MBTD1: variants seen among roughly 807,000 people sequenced by gnomAD.
The protein encoded by MBTD1 is mbt domain containing 1.
A neutral mutation model predicts 87.8 loss-of-function variants in MBTD1; 24 were observed. The ratio of observed to expected loss-of-function variants is 0.27; its 90% CI spans 0.20 to 0.38. The LOEUF is 0.38. Among genes scored for constraint, MBTD1 ranks in the 10% least tolerant of loss-of-function variants. The pLI is 1.00. For synonymous variants in MBTD1, 237 were observed against 248.6 expected, an observed-to-expected ratio of 0.95 and a Z score of 0.44; for missense variants, 436 against 760.2, an observed-to-expected ratio of 0.57 and a Z score of 5.02.
rs1334745989 is a variant in MBTD1 at position 51,179,498 on chromosome 17, A to ATTTTTATATATT, written c.*1077_*1078insAATATATAAAAA. 1 of 58,436 alleles carries ATTTTTATATATT rather than the reference A, an allele frequency of 1.7e-5. No individual in the cohort carries two copies. The highest frequency in any genetic ancestry group is 4.0e-5 in the Non-Finnish European group (1 of 25,308). The allele number at this position is 58,436 out of a possible 1,614,324, so 3.6% of individuals were successfully genotyped here. ...TAAAGACAATTTTATATATATATAT[A>ATTTTTATATATT]TATATATATATATATATATATATAT... is the stretch of plus-strand genomic sequence containing the variant. On this transcript the variant is annotated 3_prime_UTR_variant, in exon 17 of 17. Coordinates refer to ENST00000586178, the MANE Select transcript of MBTD1 (RefSeq NM_017643.3).
At chr17:51,259,035 T>C in intron 2 of MBTD1, 108 bp downstream of exon 2, 2 of 396,954 alleles carry the variant, frequency 5.0e-6, no homozygotes, top group Middle Eastern at 1.3e-3. Flanking sequence ...CTGAAGGGTC[T>C]AATAAGGGTA....
intron 10 of MBTD1, 117 bp downstream of exon 10, chr17:51,202,584 A>C: frequency 1.3e-6 from 1 of 759,714 alleles, no homozygotes; most frequent in Non-Finnish European, 2.2e-6. Flanking sequence ...TAGAAGAAGC[A>C]GCCCAAACAA....
chr17:51,250,431 C>T (rs572297138), intron 2 of MBTD1: 32 of 152,260 alleles, frequency 2.1e-4, no homozygotes, highest in African/African-American at 6.7e-4. Flanking sequence ...GAGGGGTAAA[C>T]GAGTACAGTA....
intron 10 of MBTD1, among the ~76,000 whole-genome samples, 183 bp from the exon 11 acceptor site, chr17:51,202,260 T>C (rs1348762725): frequency 6.6e-6 from 1 of 152,236 alleles, no homozygotes; most frequent in Non-Finnish European, 1.5e-5. Context: ...CATGTGCATA[T>C]ATGCTTTTAA....
At chr17:51,253,545 T>C (rs2054917145) in intron 2 of MBTD1, among the ~76,000 whole-genome samples, 1 of 152,148 alleles carries the variant, frequency 6.6e-6, no homozygotes, top group Non-Finnish European at 1.5e-5. Flanking sequence ...CAATATACAC[T>C]GGCATATACA....
intron 13 of MBTD1, among the ~76,000 whole-genome samples, chr17:51,194,014 C>T (rs1188840615): frequency 1.3e-5 from 2 of 152,190 alleles, no homozygotes; most frequent in African/African-American, 2.4e-5. Context: ...CTTAGTCTAA[C>T]GCAAAAGTGG....
chr17:51,239,854 T>C (rs530633786), intron 2 of MBTD1, among the ~76,000 whole-genome samples: 16 of 152,296 alleles, frequency 1.1e-4, no homozygotes, highest in African/African-American at 3.9e-4. Context: ...TACATAATCA[T>C]AGGTCAGCTA....
At chr17:51,247,336 G>A (rs2054498924) in intron 2 of MBTD1, among the ~76,000 whole-genome samples, 1 of 152,006 alleles carries the variant, frequency 6.6e-6, no homozygotes, top group South Asian at 2.1e-4. Flanking sequence ...TTGTAATATA[G>A]TGTGAGAGAC....
chr17:51,216,627 C>T (rs1360200077), intron 6 of MBTD1, among the ~76,000 whole-genome samples: 1 of 152,156 alleles, frequency 6.6e-6, no homozygotes, highest in Non-Finnish European at 1.5e-5. Flanking sequence ...AAGATCCTTC[C>T]TCTTCTGAAT....
intron 6 of MBTD1, chr17:51,209,480 T>C: frequency 2.1e-6 from 1 of 471,060 alleles, no homozygotes; most frequent in South Asian, 1.5e-5. Context: ...CAAATCCAAA[T>C]GCTGAGGGGT....
intron 6 of MBTD1, among the ~76,000 whole-genome samples, chr17:51,214,255 T>C (rs1389075603): frequency 6.6e-6 from 1 of 152,164 alleles, no homozygotes; most frequent in East Asian, 1.9e-4. Context: ...GTATAAACCA[T>C]TGTGCCCAGC....
At chr17:51,194,591 A>AAAAAAG (rs1482531960) in intron 13 of MBTD1, among the ~76,000 whole-genome samples, 8 of 149,052 alleles carry the variant, frequency 5.4e-5, no homozygotes, top group African/African-American at 2.0e-4. Flanking sequence ...AAAAAAAAAA[A>AAAAAAG]AGTCCACATG....
At chr17:51,225,334 T>G (rs1186184012) in intron 2 of MBTD1, 125 bp from the exon 3 acceptor site, 1 of 466,026 alleles carries the variant, frequency 2.1e-6, no homozygotes, top group Non-Finnish European at 3.6e-6. Flanking sequence ...AAATAACCAT[T>G]TTCTTTCTTT....
rs1016599895 is a variant in MBTD1, at chr17:51,259,896, C to T, written c.-174G>A. 1.2e-5 allele frequency: 15 copies of T among 1,231,806 alleles called. No homozygotes were observed. The Admixed American group carries it at 2.1e-4, about 17-fold the overall frequency. The allele number at this position is 1,231,806 out of a possible 1,614,324, so 76.3% of individuals were successfully genotyped here. A position where few individuals can be genotyped will look rare whatever the true frequency, so the allele number is the denominator to read the frequency against. On this transcript the variant is annotated 5_prime_UTR_variant, in exon 1 of 17. Transcript: ENST00000586178. ...AGGGGTTGTCCGTGCTCCCCGAGCC[C>T]GCGGCGCCCCCTCCCCGGGCTGGGG...
At chr17:51,212,392 A>G (rs1294755403) in intron 6 of MBTD1, among the ~76,000 whole-genome samples, 2 of 151,076 alleles carry the variant, frequency 1.3e-5, no homozygotes, top group Non-Finnish European at 2.9e-5. Flanking sequence ...AAGAAAAAGT[A>G]TGATAAACTC....
chr17:51,179,484 TTA>T lies in MBTD1; in HGVS notation c.*1090_*1091del, dbSNP rs56750454. 3.2e-3 allele frequency: 112 copies of T among 35,220 alleles called. 1 individual carries two copies. Among genetic ancestry groups the T allele is most frequent in the South Asian group, 0.013 (12 of 906 alleles). The allele number at this position is 35,220 out of a possible 1,614,324, so 2.2% of individuals were successfully genotyped here. A position where few individuals can be genotyped will look rare whatever the true frequency, so the allele number is the denominator to read the frequency against. On this transcript the variant is annotated 3_prime_UTR_variant, in exon 17 of 17. Coordinates refer to ENST00000586178, the MANE Select transcript of MBTD1 (RefSeq NM_017643.3). ...ATCCTGAATACAATTAAAGACAATT[TTA>T]TATATATATATATATATATATATAT...
At chr17:51,254,153 A>G (rs1335004902) in intron 2 of MBTD1, among the ~76,000 whole-genome samples, 1 of 152,210 alleles carries the variant, frequency 6.6e-6, no homozygotes, top group East Asian at 1.9e-4. Flanking sequence ...ATGAGATCAC[A>G]AAGTAGTAAA....
intron 12 of MBTD1, 77 bp downstream of exon 12, chr17:51,201,515 T>C: frequency 4.8e-6 from 4 of 837,050 alleles, no homozygotes; most frequent in South Asian, 1.6e-5. Context: ...AAAACGAATA[T>C]GCTTGGGGAC....
intron 2 of MBTD1, 124 bp downstream of exon 2, chr17:51,259,019 A>G: frequency 2.5e-6 from 1 of 395,726 alleles, no homozygotes. Flanking sequence ...CAGGACATGA[A>G]TGAGACTGAA....
Sources: gnomAD v4.1 joint callset for allele counts (sites outside exome capture counted in the v4.1 genomes callset) on GRCh38, gnomAD v4.1.1 for gene constraint, MANE v1.5 for transcripts, NCBI Gene and HGNC (gene_info 2026-07-23, HGNC 2026-07-21) for gene names.